Variants in MOB3B observed in about 807,000 individuals in gnomAD.
MOB3B encodes MOB kinase activator 3B.
Under a neutral mutation model 18.7 loss-of-function variants are expected in MOB3B, and 7 were observed. That is an observed-to-expected ratio of 0.37 (90% CI 0.21 to 0.70). MOB3B has a LOEUF of 0.70. Ranked by LOEUF, MOB3B falls within the 30% of genes least tolerant of loss-of-function variation. The probability of loss-of-function intolerance (pLI) is 0.52; values close to 1 mark genes in which losing one functional copy is unlikely to be tolerated. For missense variants in MOB3B, 253 were observed against 281.3 expected, an observed-to-expected ratio of 0.90 and a Z score of 0.72; for synonymous variants, 111 against 99.9, an observed-to-expected ratio of 1.11 and a Z score of -0.66.
chr9:27,380,830 A>G (rs1001130105), intron 2 of MOB3B, among the ~76,000 whole-genome samples: 16 of 152,262 alleles, frequency 1.1e-4, no homozygotes, highest in African/African-American at 3.1e-4. Flanking sequence ...AACTTATAAA[A>G]GGGAATTGAG....
intron 1 of MOB3B, among the ~76,000 whole-genome samples, chr9:27,473,936 G>T (rs1282904532): frequency 6.6e-6 from 1 of 152,152 alleles, no homozygotes; most frequent in Non-Finnish European, 1.5e-5. Context: ...CTACCCTAAT[G>T]AATGAGATTA....
At chr9:27,417,404 C>G in intron 2 of MOB3B, among the ~76,000 whole-genome samples, 1 of 151,726 alleles carries the variant, frequency 6.6e-6, no homozygotes, top group Non-Finnish European at 1.5e-5. Flanking sequence ...AACAAACAAA[C>G]AAAACGTCAA....
chr9:27,361,736 C>G (rs139642169), intron 2 of MOB3B, among the ~76,000 whole-genome samples: 1 of 152,294 alleles, frequency 6.6e-6, no homozygotes, highest in African/African-American at 2.4e-5. Context: ...GGTCACCCAG[C>G]GGGGAAATAG....
At chr9:27,512,246 G>C (rs1688848206) in intron 1 of MOB3B, among the ~76,000 whole-genome samples, 1 of 152,104 alleles carries the variant, frequency 6.6e-6, no homozygotes, top group South Asian at 2.1e-4. Context: ...ATCATGTTTA[G>C]GCCATCCTAT....
At chr9:27,371,057 G>A (rs558034580) in intron 2 of MOB3B, among the ~76,000 whole-genome samples, 2 of 152,222 alleles carry the variant, frequency 1.3e-5, no homozygotes, top group East Asian at 1.9e-4. Context: ...CTCCCTCTTC[G>A]AATTGTATTG....
chr9:27,342,343 C>T (rs766816438), intron 3 of MOB3B, among the ~76,000 whole-genome samples: 2 of 152,160 alleles, frequency 1.3e-5, no homozygotes, highest in South Asian at 4.1e-4. Flanking sequence ...CTTGGGAGAA[C>T]AATGATGTTA....
intron 1 of MOB3B, among the ~76,000 whole-genome samples, chr9:27,505,412 C>A (rs1286425672): frequency 6.6e-6 from 1 of 152,166 alleles, no homozygotes; most frequent in Non-Finnish European, 1.5e-5. Flanking sequence ...ACCACTTTCC[C>A]GTGAATGTGG....
At chr9:27,522,420 C>CATATATATATATATATAT (rs66472709) in intron 1 of MOB3B, among the ~76,000 whole-genome samples, 17 of 141,378 alleles carry the variant, frequency 1.2e-4, no homozygotes, top group African/African-American at 3.5e-4. Flanking sequence ...GACATTTTTT[C>CATATATATATATATATAT]ATATATATAT....
intron 2 of MOB3B, among the ~76,000 whole-genome samples, chr9:27,382,658 C>T (rs10967917): frequency 0.35 from 53,126 of 151,518 alleles, 10,292 homozygotes; most frequent in East Asian, 0.8. Flanking sequence ...AATAAAAACC[C>T]GATAAATGTG....
intron 1 of MOB3B, among the ~76,000 whole-genome samples, chr9:27,470,523 G>A (rs1819455420): frequency 6.6e-6 from 1 of 152,162 alleles, no homozygotes; most frequent in Admixed American, 6.5e-5. Flanking sequence ...AGTGCTGTTA[G>A]GAAGTGACTC....
At chr9:27,429,130 G>C (rs1032953143) in intron 2 of MOB3B, among the ~76,000 whole-genome samples, 1 of 152,188 alleles carries the variant, frequency 6.6e-6, no homozygotes, top group African/African-American at 2.4e-5. Context: ...ATGACATAAA[G>C]GGAAAGGCCC....
intron 2 of MOB3B, among the ~76,000 whole-genome samples, chr9:27,443,028 T>A (rs1387800186): frequency 6.6e-6 from 1 of 152,232 alleles, no homozygotes; most frequent in African/African-American, 2.4e-5. Context: ...AAACTCTAGC[T>A]TGAATCAGAA....
chr9:27,424,715 C>A (rs138308909), intron 2 of MOB3B, among the ~76,000 whole-genome samples: 2 of 152,130 alleles, frequency 1.3e-5, no homozygotes, highest in South Asian at 2.1e-4. Context: ...TTTGTACTGG[C>A]CACCGAGCAA....
At chr9:27,489,063 A>C (rs1383710907) in intron 1 of MOB3B, among the ~76,000 whole-genome samples, 1 of 152,208 alleles carries the variant, frequency 6.6e-6, no homozygotes, top group Non-Finnish European at 1.5e-5. Flanking sequence ...AGTTTTAGAA[A>C]ATGTGGATAC....
chr9:27,506,237 G>C (rs1422845200), intron 1 of MOB3B, among the ~76,000 whole-genome samples: 1 of 152,106 alleles, frequency 6.6e-6, no homozygotes, highest in African/African-American at 2.4e-5. Flanking sequence ...TTTTCTTCTG[G>C]AATCCTAGAC....
intron 1 of MOB3B, among the ~76,000 whole-genome samples, chr9:27,456,262 A>T (rs1822868980): frequency 6.6e-6 from 1 of 152,182 alleles, no homozygotes; most frequent in South Asian, 2.1e-4. Context: ...GTGATGTGGC[A>T]TTGGGTGAGA....
chr9:27,409,290 T>A (rs10812587), intron 2 of MOB3B, among the ~76,000 whole-genome samples: 32,485 of 152,194 alleles, frequency 0.21, 4,508 homozygotes, highest in East Asian at 0.67. Context: ...CCAAAGCTGC[T>A]TGGCCCCAGA....
intron 1 of MOB3B, among the ~76,000 whole-genome samples, chr9:27,514,403 GA>G (rs1820199231): frequency 6.8e-6 from 1 of 147,058 alleles, no homozygotes; most frequent in Non-Finnish European, 1.5e-5. Context: ...CCTATATCTG[GA>G]ACTATTCCTC....
rs796111653 is a variant in MOB3B at position 27,444,266 on chromosome 9, AGGAG to A, written c.418+10863_418+10866del. Among the ~76,000 whole-genome samples the A allele has an allele frequency of 3.9e-3, 494 of 126,032 alleles. 5 individuals are homozygous for A. The highest frequency in any genetic ancestry group is 0.013 in the East Asian group (51 of 3,940). The allele number at this position is 126,032 out of a possible 152,430, so 82.7% of individuals were successfully genotyped here. On this transcript the variant is annotated intron_variant, in intron 2 of 3. Coordinates refer to ENST00000262244, the MANE Select transcript of MOB3B (RefSeq NM_024761.5). ...AAGGAAGGAAGGAAGGAAGGAAGGA[AGGAG>A]GGAGGGAGGGAGGGAGGGAAGGAAG...
Sources: allele counts gnomAD v4.1 joint callset (sites outside exome capture counted in the v4.1 genomes callset), GRCh38; gene constraint gnomAD v4.1.1; transcripts MANE v1.5; gene names NCBI Gene and HGNC (gene_info 2026-07-23, HGNC 2026-07-21).